The following PHRF1 variants were observed in gnomAD, a reference collection of about 807,000 sequenced individuals.
PHRF1 encodes the protein PHD and ring finger domains 1.
Under a neutral mutation model 128.9 loss-of-function variants are expected in PHRF1, and 53 were observed. That is an observed-to-expected ratio of 0.41 (90% CI 0.33 to 0.52). The LOEUF is 0.52. Ranked by LOEUF, PHRF1 falls within the 20% of genes least tolerant of loss-of-function variation. PHRF1 has a pLI of 0.21. For synonymous variants in PHRF1, 1,178 were observed against 980.6 expected (o/e 1.20, Z -3.76); for missense variants, 2,503 against 2,284.5 (o/e 1.10, Z -1.95).
chr11:610,274 A>G lies in PHRF1; in HGVS notation c.4343A>G (p.Gln1448Arg). 1 of 1,558,994 alleles carries G rather than the reference A, an allele frequency of 6.4e-7. No homozygotes were observed. Among genetic ancestry groups the G allele is most frequent in the Non-Finnish European group, 8.7e-7 (1 of 1,151,542 alleles). Residue 1448 changes from glutamine (Q) to arginine (R), a missense_variant, in exon 15 of 18, where the codon CAG becomes CGG. By Grantham distance (43) the Gln-to-Arg change is conservative (BLOSUM62 1). Coordinates refer to ENST00000264555, the MANE Select transcript of PHRF1 (RefSeq NM_001286581.2). ...GATGTGGCCCCCACAGGGGTCAGGCAGGTGTTCTCCGAGCTGCCCTTTCCC... is the reference window on the plus strand; with the variant it reads ...GATGTGGCCCCCACAGGGGTCAGGCGGGTGTTCTCCGAGCTGCCCTTTCCC... ...MEDVAPTGVR[Q>R]VFSELPFPSH...
chr11:598,561 C>G (rs751643407), intron 9 of PHRF1, 59 bp downstream of exon 9: 55 of 1,547,860 alleles, frequency 3.6e-5, no homozygotes, highest in Non-Finnish European at 4.6e-5. Flanking sequence ...CGCCCGAGGT[C>G]CACTCACTGC....
At chr11:580,480 G>C (rs58562994) in intron 1 of PHRF1, among the ~76,000 whole-genome samples, 5,963 of 152,252 alleles carry the variant, frequency 0.039, 400 homozygotes, top group African/African-American at 0.14. Context: ...CCTCAGCTCT[G>C]GGTACCACTG....
intron 6 of PHRF1, among the ~76,000 whole-genome samples, chr11:593,188 C>T (rs1276474041): frequency 2.0e-5 from 3 of 152,386 alleles, no homozygotes; most frequent in South Asian, 2.1e-4. Flanking sequence ...GTCTCCTCAT[C>T]CCTGCTTTGT....
chr11:610,163 G>T (rs1412271171), intron 14 of PHRF1, 33 bp from the exon 15 acceptor site: 2 of 1,474,890 alleles, frequency 1.4e-6, no homozygotes, highest in East Asian at 5.0e-5. Context: ...GGTGGGCACA[G>T]AGCACCCACC....
In PHRF1 at chr11:610,678, G is replaced by A. The variant is rs746197402; in HGVS notation, c.4594G>A (p.Ala1532Thr). 6.2e-7 allele frequency: 1 copy of A among 1,603,410 alleles called. No individual in the cohort carries two copies. Among genetic ancestry groups the A allele is most frequent in the Admixed American group, 1.7e-5 (1 of 60,010 alleles). ...PAALTPASEP[A>T]SQATAASNSE... is the part of the protein sequence containing the mutation. ...TGCCCTGACCCCAGCCTCAGAGCCA[G>A]CCAGTCAAGCCACTGCAGCCAGCAA... The change falls in exon 16 of 18, where the codon GCC becomes ACC. Residue 1532 changes from alanine to threonine, a missense_variant. Physicochemically the swap from Ala to Thr is moderately conservative, Grantham distance 58 (BLOSUM62 0). Transcript: ENST00000264555.
intron 1 of PHRF1, among the ~76,000 whole-genome samples, chr11:580,261 C>T (rs1301528671): frequency 6.6e-6 from 1 of 152,218 alleles, no homozygotes; most frequent in Non-Finnish European, 1.5e-5. Context: ...GCACGTATCT[C>T]CTTTCTTATC....
chr11:600,493 AAT>A (rs35825045), intron 9 of PHRF1, among the ~76,000 whole-genome samples: 62,693 of 129,080 alleles, frequency 0.49, 15,555 homozygotes, highest in East Asian at 0.62. Flanking sequence ...TGTCTCCAAA[AAT>A]ATATATATAT....
At chr11:595,813 C>G (rs902047560) in intron 6 of PHRF1, among the ~76,000 whole-genome samples, 2 of 152,244 alleles carry the variant, frequency 1.3e-5, no homozygotes, top group African/African-American at 4.8e-5. Flanking sequence ...ACTGCTCATC[C>G]TTGCCTTTGT....
At chr11:610,814 A>G (rs976968939) in intron 16 of PHRF1, 53 bp downstream of exon 16, 8 of 1,588,342 alleles carry the variant, frequency 5.0e-6, no homozygotes, top group South Asian at 1.1e-5. Flanking sequence ...CTTTGAAACT[A>G]AAGTTGTTGG....
Position 607,066 on chromosome 11 carries a change from C to T in PHRF1, c.1610C>T (p.Ala537Val), listed in dbSNP as rs1287257567. 10 of 1,549,768 alleles carry T rather than the reference C, an allele frequency of 6.5e-6. No homozygotes were observed. The highest frequency in any genetic ancestry group is 4.3e-5 in the Admixed American group (2 of 46,582). Residue 537 changes from alanine to valine, a missense_variant and splice_region_variant, in exon 14 of 18, where the codon GCT becomes GTT. Coordinates refer to ENST00000264555, the MANE Select transcript of PHRF1 (RefSeq NM_001286581.2). ...TGCCATTGACTTTTTTGTTTTTTAG[C>T]TCCAGTTTCTTTTCAGCGAAACTCA... The part of the protein sequence containing the change: ...RDGSLSAKRA[A>V]PVSFQRNSGS...
At chr11:590,079 T>C (rs1337816389) in intron 4 of PHRF1, among the ~76,000 whole-genome samples, 4 of 150,800 alleles carry the variant, frequency 2.7e-5, no homozygotes, top group African/African-American at 9.7e-5. Flanking sequence ...GCATGGAGCG[T>C]GCGGGGCTCA....
In PHRF1 at chr11:608,491, G is replaced by A. The variant is rs765165896; in HGVS notation, c.3035G>A (p.Arg1012Lys). The change falls in exon 14 of 18, where the codon AGG becomes AAG. Residue 1012 changes from arginine (R) to lysine (K), a missense_variant. Arg to Lys is a conservative substitution (Grantham distance 26). Transcript: ENST00000264555. ...RKKAKRKRVS[R>K]EHGRTRSGTR... Reference sequence around the variant, plus strand: ...AAGGCCAAGAGGAAGAGGGTGTCCAGGGAGCACGGACGGACGCGCTCTGGG... The same window carrying A: ...AAGGCCAAGAGGAAGAGGGTGTCCAAGGAGCACGGACGGACGCGCTCTGGG... The A allele has an allele frequency of 1.2e-6, 2 of 1,612,438 alleles. No individual in the cohort carries two copies. The highest frequency in any genetic ancestry group is 2.2e-5 in the East Asian group (1 of 44,878).
intron 9 of PHRF1, among the ~76,000 whole-genome samples, 155 bp downstream of exon 9, chr11:598,657 GC>G (rs1395159811): frequency 6.6e-6 from 1 of 152,214 alleles, no homozygotes; most frequent in African/African-American, 2.4e-5. Context: ...GCCGCGCCGG[GC>G]CCGGGAGGTG....
At chr11:581,153 G>A (rs1009695550) in intron 1 of PHRF1, among the ~76,000 whole-genome samples, 7 of 151,202 alleles carry the variant, frequency 4.6e-5, no homozygotes, top group Non-Finnish European at 7.4e-5. Flanking sequence ...TTTATTTTCT[G>A]GCCGGGTACA....
intron 11 of PHRF1, 97 bp from the exon 12 acceptor site, chr11:605,508 C>T: frequency 6.5e-7 from 1 of 1,539,778 alleles, no homozygotes. Context: ...GCCACATGGC[C>T]AGTGCTCGGC....
intron 6 of PHRF1, among the ~76,000 whole-genome samples, chr11:594,743 T>C (rs1855183334): frequency 6.6e-6 from 1 of 152,232 alleles, no homozygotes; most frequent in South Asian, 2.1e-4. Context: ...ATTAAAGGCG[T>C]GAGCCACTAT....
chr11:605,202 G>A lies in PHRF1; in HGVS notation c.1236G>A (p.Leu412=). The A allele has an allele frequency of 6.2e-7, 1 of 1,613,582 alleles. No homozygotes were observed. The highest frequency in any genetic ancestry group is 8.5e-7 in the Non-Finnish European group (1 of 1,179,868). Residue 412 remains leucine (L), a synonymous_variant, in exon 11 of 18, where the codon TTG becomes TTA. Transcript: ENST00000264555. The stretch of plus-strand genomic sequence containing the variant: ...ACAGCAGCTGCATCCCGTCAGTGTT[G>A]AAGCCAGTGGAGCCCTCTTTGGGGC... ...PVHSSCIPSV[L]KPVEPSLGLL...
intron 3 of PHRF1, among the ~76,000 whole-genome samples, chr11:585,942 A>G (rs966819584): frequency 1.1e-4 from 17 of 151,804 alleles, no homozygotes; most frequent in Admixed American, 8.5e-4. Context: ...GCTCACTGCA[A>G]CCTCTGCTTC....
rs1477342330 is a variant in PHRF1, at chr11:590,772, C to T, written c.421-612C>T. Among the ~76,000 whole-genome samples the T allele has an allele frequency of 4.6e-5, 7 of 152,262 alleles. No individual in the cohort carries two copies. The East Asian group carries it at 7.7e-4, about 17-fold the overall frequency. On this transcript the variant is annotated intron_variant, in intron 4 of 17. Transcript: ENST00000264555. ...AAGCTGGAGTGCAGTGGCGCCATCT[C>T]GGCTCACCGCAACCTCAGCCTCTCG...
Sources: gnomAD v4.1 joint callset for allele counts (sites outside exome capture counted in the v4.1 genomes callset) on GRCh38, gnomAD v4.1.1 for gene constraint, MANE v1.5 for transcripts, NCBI Gene and HGNC (gene_info 2026-07-23, HGNC 2026-07-21) for gene names.